The following EDIL3 variants were observed in gnomAD, a reference collection of about 807,000 sequenced individuals.
EDIL3 encodes EGF like and discoidin domains 3.
In EDIL3, 37 loss-of-function variants were observed where a neutral mutation model predicts 67.4. The observed-to-expected ratio is 0.55, with a 90% CI of 0.42 to 0.72. The LOEUF is 0.72. Among genes scored for constraint, EDIL3 ranks in the 30% least tolerant of loss-of-function variants. The pLI is 0.00. For missense variants in EDIL3, 527 were observed against 586.3 expected (o/e 0.90, Z 1.04); for synonymous variants, 195 against 196.3 (o/e 0.99, Z 0.05).
chr5:84,337,946 C>T (rs1747023534), intron 1 of EDIL3, among the ~76,000 whole-genome samples: 2 of 152,048 alleles, frequency 1.3e-5, no homozygotes, highest in African/African-American at 4.8e-5. Flanking sequence ...ATCTTCTTTT[C>T]TATTTAAGAC....
chr5:84,256,221 G>A (rs1250286002), intron 1 of EDIL3, among the ~76,000 whole-genome samples: 1 of 151,728 alleles, frequency 6.6e-6, no homozygotes, highest in Non-Finnish European at 1.5e-5. Context: ...CTATCAATTT[G>A]TCTATCTGTC....
intron 1 of EDIL3, among the ~76,000 whole-genome samples, chr5:84,336,572 T>C (rs954063727): frequency 6.6e-6 from 1 of 151,994 alleles, no homozygotes; most frequent in African/African-American, 2.4e-5. Context: ...CAGTAAAATA[T>C]TAGAGATTGT....
intron 1 of EDIL3, among the ~76,000 whole-genome samples, chr5:84,315,481 T>C (rs1746490098): frequency 6.6e-6 from 1 of 152,216 alleles, no homozygotes; most frequent in Non-Finnish European, 1.5e-5. Flanking sequence ...CCTTCAGTCA[T>C]GCTAAAAATT....
At chr5:84,154,856 C>T (rs1216257919) in intron 4 of EDIL3, among the ~76,000 whole-genome samples, 1 of 151,822 alleles carries the variant, frequency 6.6e-6, no homozygotes, top group Non-Finnish European at 1.5e-5. Flanking sequence ...CCCGCCACCA[C>T]GCCCAGCTAA....
intron 9 of EDIL3, among the ~76,000 whole-genome samples, chr5:84,028,092 T>C (rs936953515): frequency 1.3e-5 from 2 of 152,154 alleles, no homozygotes; most frequent in African/African-American, 2.4e-5. Context: ...GGTGACTGCA[T>C]TGTGAAATGT....
intron 9 of EDIL3, among the ~76,000 whole-genome samples, chr5:84,027,312 C>T (rs1003403511): frequency 6.6e-6 from 1 of 152,054 alleles, no homozygotes; most frequent in African/African-American, 2.4e-5. Context: ...CATGTTTATC[C>T]CCCTGTAAGA....
chr5:84,019,404 G>C (rs1745669108), intron 9 of EDIL3, among the ~76,000 whole-genome samples: 1 of 151,836 alleles, frequency 6.6e-6, no homozygotes, highest in East Asian at 1.9e-4. Flanking sequence ...GGGGTGGGGG[G>C]AGTGGGGAGG....
At chr5:83,957,702 A>C (rs907979704) in intron 10 of EDIL3, among the ~76,000 whole-genome samples, 5 of 151,714 alleles carry the variant, frequency 3.3e-5, no homozygotes, top group Non-Finnish European at 5.9e-5. Flanking sequence ...CTTTTATGAA[A>C]CTGACATAAT....
chr5:83,972,676 G>A (rs1467775196), intron 9 of EDIL3, among the ~76,000 whole-genome samples: 1 of 151,996 alleles, frequency 6.6e-6, no homozygotes, highest in Non-Finnish European at 1.5e-5. Context: ...GTATACGAAT[G>A]AAAGTCCATC....
chr5:84,050,027 G>A (rs1366725756), intron 9 of EDIL3, among the ~76,000 whole-genome samples: 2 of 151,506 alleles, frequency 1.3e-5, no homozygotes, highest in African/African-American at 2.4e-5. Context: ...GTGAAACCCC[G>A]TCTCTACTAA....
At chr5:83,966,352 G>A (rs1489091155) in intron 9 of EDIL3, among the ~76,000 whole-genome samples, 1 of 152,046 alleles carries the variant, frequency 6.6e-6, no homozygotes, top group Non-Finnish European at 1.5e-5. Flanking sequence ...TCTTAAGTAT[G>A]TTCCATGGAC....
chr5:84,037,755 G>C (rs1746046368), intron 9 of EDIL3, among the ~76,000 whole-genome samples: 1 of 151,970 alleles, frequency 6.6e-6, no homozygotes, highest in Admixed American at 6.6e-5. Context: ...TAATTCCATG[G>C]TTATGTTTCT....
At chr5:84,249,271 T>G (rs894670342) in intron 2 of EDIL3, among the ~76,000 whole-genome samples, 2 of 152,202 alleles carry the variant, frequency 1.3e-5, no homozygotes, top group African/African-American at 4.8e-5. Flanking sequence ...TAGATGTTAC[T>G]TTTTCAGGTT....
At chr5:84,061,096 G>C (rs1746534514) in intron 8 of EDIL3, among the ~76,000 whole-genome samples, 1 of 152,000 alleles carries the variant, frequency 6.6e-6, no homozygotes, top group Non-Finnish European at 1.5e-5. Context: ...CCATGTGCCA[G>C]GCATTGTGCA....
At chr5:84,031,683 T>A (rs1238867219) in intron 9 of EDIL3, among the ~76,000 whole-genome samples, 1 of 152,170 alleles carries the variant, frequency 6.6e-6, no homozygotes, top group Non-Finnish European at 1.5e-5. Context: ...AACCCTACCA[T>A]GCTGGCACTC....
intron 1 of EDIL3, among the ~76,000 whole-genome samples, chr5:84,320,434 GGGAAGCT>G (rs1051454045): frequency 5.3e-5 from 8 of 151,914 alleles, no homozygotes; most frequent in African/African-American, 1.9e-4. Context: ...CAGGAGCCCT[GGGAAGCT>G]GTATATTCGC....
At chr5:84,252,376 C>T (rs1745039333) in intron 2 of EDIL3, among the ~76,000 whole-genome samples, 1 of 151,396 alleles carries the variant, frequency 6.6e-6, no homozygotes, top group Admixed American at 6.6e-5. Flanking sequence ...CGCCTGTAGT[C>T]CCAGCTTCTC....
intron 1 of EDIL3, among the ~76,000 whole-genome samples, chr5:84,287,109 G>C (rs1280538481): frequency 6.6e-6 from 1 of 152,050 alleles, no homozygotes; most frequent in East Asian, 1.9e-4. Context: ...ACTCTGGGTT[G>C]GTGATTATTT....
At chr5:84,349,833 T>C (rs369041157) in intron 1 of EDIL3, among the ~76,000 whole-genome samples, 1 of 152,142 alleles carries the variant, frequency 6.6e-6, no homozygotes, top group Admixed American at 6.6e-5. Context: ...TATAGATTTG[T>C]AAAGGTACAA....
Sources: gnomAD v4.1 joint callset for allele counts (sites outside exome capture counted in the v4.1 genomes callset) on GRCh38, gnomAD v4.1.1 for gene constraint, MANE v1.5 for transcripts, NCBI Gene and HGNC (gene_info 2026-07-23, HGNC 2026-07-21) for gene names.